HPS4: variants seen among roughly 807,000 people sequenced by gnomAD.
The protein encoded by HPS4 is BLOC-3 complex member HPS4.
In HPS4, 44 loss-of-function variants were observed where a neutral mutation model predicts 70.3. The observed-to-expected ratio is 0.63, with a 90% CI of 0.49 to 0.80. The LOEUF (loss-of-function observed/expected upper bound fraction) is 0.80, where lower values mean the gene tolerates loss of function less well. HPS4 is among the 30% of genes least tolerant of loss of function. HPS4 has a pLI of 0.00. For missense variants in HPS4, 873 were observed against 884.4 expected (o/e 0.99, Z 0.16); for synonymous variants, 377 against 355.9 (o/e 1.06, Z -0.67).
rs886298215 is a variant in HPS4, at chr22:26,463,914, C to T, written c.1713+3G>A. On this transcript the variant is annotated splice_donor_region_variant and intron_variant, in intron 11 of 13. Transcript: ENST00000398145. ...GGGCAGGAGAAGGTCTGAGGACACT[C>T]ACCACTTCCTCTATGGCTGCGCTGT... is the stretch of plus-strand genomic sequence containing the variant. 6.8e-6 allele frequency: 11 copies of T among 1,612,640 alleles called. No homozygotes were observed. In the African/African-American group the frequency reaches 1.5e-4, roughly 22 times the overall value.
At chr22:26,468,141 G>A (rs551572077) in intron 8 of HPS4, 16 of 237,164 alleles carry the variant, frequency 6.7e-5, no homozygotes, top group African/African-American at 3.6e-4. Flanking sequence ...CACCTCAAGT[G>A]ATCTGCCCAC....
At chr22:26,483,385 C>T (rs1349762718) in intron 1 of HPS4, among the ~76,000 whole-genome samples, 2 of 152,202 alleles carry the variant, frequency 1.3e-5, no homozygotes, top group African/African-American at 2.4e-5. Flanking sequence ...GTAATAGTAA[C>T]AACGCGGGGC....
At position 26,464,400 on chromosome 22, in the gene HPS4, G is replaced by T. The variant is rs2088026705; in HGVS notation, c.1230C>A (p.Ser410Arg). The T allele has an allele frequency of 1.2e-6, 2 of 1,614,102 alleles. No homozygotes were observed. Among genetic ancestry groups the T allele is most frequent in the Non-Finnish European group, 1.7e-6 (2 of 1,180,040 alleles). ...PYCKASLSAS[S>R]SLEPTPPEDT... ...CCTCAGGAGGCGTGGGTTCCAGGCT[G>T]CTGGAGGCGCTGAGAGATGCCTTGC... The change falls in exon 11 of 14, where the codon AGC becomes AGA. Residue 410 changes from serine to arginine, a missense_variant. By Grantham distance (110) the Ser-to-Arg change is moderately radical. Transcript: ENST00000398145.
At chr22:26,482,907 C>T (rs562591651) in intron 1 of HPS4, 3 of 152,374 alleles carry the variant, frequency 2.0e-5, no homozygotes, top group African/African-American at 7.2e-5. Flanking sequence ...TCTAATTCTT[C>T]CATGTGACAA....
At chr22:26,469,342 T>C (rs183339826) in intron 7 of HPS4, among the ~76,000 whole-genome samples, 2 of 151,464 alleles carry the variant, frequency 1.3e-5, no homozygotes, top group Non-Finnish European at 1.5e-5. Context: ...GTGCTTGTTG[T>C]TCCAGCTACG....
chr22:26,449,908 C>T (rs1009857165), downstream of HPS4, among the ~76,000 whole-genome samples: 1 of 152,202 alleles, frequency 6.6e-6, no homozygotes, highest in African/African-American at 2.4e-5. Context: ...GAATTCAGTA[C>T]GTTGACAGTC....
downstream of HPS4, among the ~76,000 whole-genome samples, chr22:26,448,855 G>C (rs973318936): frequency 1.3e-5 from 2 of 152,154 alleles, no homozygotes; most frequent in Admixed American, 1.3e-4. Flanking sequence ...TTATTTCTAA[G>C]CTAGGATGCT....
At chr22:26,483,564 G>C (rs548078495) in intron 1 of HPS4, 110 bp downstream of exon 1, 4 of 190,692 alleles carry the variant, frequency 2.1e-5, no homozygotes, top group Non-Finnish European at 4.3e-5. Context: ...CCAGCTCTAC[G>C]GGACTGGGAA....
rs1160875384 is a variant in HPS4 at position 26,453,093 on chromosome 22, A to G, written c.*140T>C. 2.1e-6 allele frequency: 2 copies of G among 948,138 alleles called. No homozygotes were observed. Among genetic ancestry groups the G allele is most frequent in the Non-Finnish European group, 1.6e-6 (1 of 618,676 alleles). The allele number at this position is 948,138 out of a possible 1,614,324, so 58.7% of individuals were successfully genotyped here. A position where few individuals can be genotyped will look rare whatever the true frequency, so the allele number is the denominator to read the frequency against. On this transcript the variant is annotated 3_prime_UTR_variant, in exon 14 of 14. Coordinates refer to ENST00000398145, the MANE Select transcript of HPS4 (RefSeq NM_022081.6). ...AAACACATCCCAATCTGCAAAAGGA[A>G]TAACAAAAACTCAAATATCATTTGG...
Position 26,458,522 on chromosome 22 carries a change from A to G in HPS4, c.1769T>C (p.Leu590Pro), listed in dbSNP as rs371342669. The change falls in exon 12 of 14, where the codon CTG becomes CCG. Residue 590 changes from leucine to proline, a missense_variant. Physicochemically the swap from Leu to Pro is moderately conservative, Grantham distance 98. Coordinates refer to ENST00000398145, the MANE Select transcript of HPS4 (RefSeq NM_022081.6). ...CGTGGAGGCTGCCTCATCCCTGGGC[A>G]GCGTCTCTTTCAGGTGGACTTCCAG... ...NGLEVHLKET[L>P]PRDEAASTSS... The G allele has an allele frequency of 1.2e-6, 2 of 1,614,172 alleles. No homozygotes were observed. Among genetic ancestry groups the G allele is most frequent in the Non-Finnish European group, 1.7e-6 (2 of 1,180,016 alleles).
At chr22:26,450,571 C>T (rs2085114965), downstream of HPS4, among the ~76,000 whole-genome samples, 1 of 152,332 alleles carries the variant, frequency 6.6e-6, no homozygotes, top group South Asian at 2.1e-4. Context: ...CAGTAGGAAT[C>T]TGATTGCCAC....
intron 7 of HPS4, among the ~76,000 whole-genome samples, chr22:26,470,296 G>A (rs1327675530): frequency 6.6e-6 from 1 of 152,262 alleles, no homozygotes; most frequent in Non-Finnish European, 1.5e-5. Context: ...ATAAGGGCCT[G>A]TAAGGCTGCT....
intron 3 of HPS4, among the ~76,000 whole-genome samples, chr22:26,445,423 A>G (rs929084353): frequency 1.6e-4 from 24 of 152,338 alleles, no homozygotes; most frequent in African/African-American, 5.8e-4. Flanking sequence ...GGTCACTAGA[A>G]TTGATCGTGG....
At chr22:26,446,485 A>G (rs950116028), downstream of HPS4, among the ~76,000 whole-genome samples, 1 of 152,038 alleles carries the variant, frequency 6.6e-6, no homozygotes, top group Non-Finnish European at 1.5e-5. Context: ...CAAAGCACAC[A>G]CCCCACTCCC....
At chr22:26,473,147 C>G (rs1400351314) in intron 4 of HPS4, among the ~76,000 whole-genome samples, 2 of 152,220 alleles carry the variant, frequency 1.3e-5, no homozygotes, top group African/African-American at 2.4e-5. Flanking sequence ...TTTCCAATCT[C>G]AAATGTCCTT....
At chr22:26,476,917 T>G in intron 4 of HPS4, 76 bp downstream of exon 4, 2 of 1,521,222 alleles carry the variant, frequency 1.3e-6, no homozygotes, top group South Asian at 2.3e-5. Context: ...AATTCTAAAT[T>G]CAAGACTCAG....
intron 2 of HPS4, 97 bp from the exon 3 acceptor site, chr22:26,479,452 T>C: frequency 6.5e-7 from 1 of 1,545,524 alleles, no homozygotes; most frequent in East Asian, 2.4e-5. Flanking sequence ...GAGGGCTTAT[T>C]ACTGTGTTTG....
intron 13 of HPS4, among the ~76,000 whole-genome samples, chr22:26,456,480 G>A (rs2086158267): frequency 6.6e-6 from 1 of 152,192 alleles, no homozygotes; most frequent in Non-Finnish European, 1.5e-5. Context: ...CCAACATGGT[G>A]AAACCCTATC....
At chr22:26,461,628 T>C (rs909618174) in intron 11 of HPS4, among the ~76,000 whole-genome samples, 4 of 152,144 alleles carry the variant, frequency 2.6e-5, no homozygotes, top group African/African-American at 9.7e-5. Flanking sequence ...AGGGGTGTGC[T>C]CACCGTAACT....
Sources: gnomAD v4.1 joint callset for allele counts (sites outside exome capture counted in the v4.1 genomes callset) on GRCh38, gnomAD v4.1.1 for gene constraint, MANE v1.5 for transcripts, NCBI Gene and HGNC (gene_info 2026-07-23, HGNC 2026-07-21) for gene names.